The following PCNX2 variants were observed in gnomAD, a reference collection of about 807,000 sequenced individuals.
PCNX2 encodes pecanex 2.
Under a neutral mutation model 223.8 loss-of-function variants are expected in PCNX2, and 168 were observed. The ratio of observed to expected loss-of-function variants is 0.75; its 90% confidence interval spans 0.66 to 0.85. The LOEUF (loss-of-function observed/expected upper bound fraction) is 0.85, where lower values mean the gene tolerates loss of function less well. Among genes scored for constraint, PCNX2 ranks in the 40% least tolerant of loss-of-function variants. The pLI is 0.00. For synonymous variants in PCNX2, 1,006 were observed against 1,052.6 expected, an observed-to-expected ratio of 0.96 and a Z score of 0.86; for missense variants, 2,507 against 2,675.5, an observed-to-expected ratio of 0.94 and a Z score of 1.39.
chr1:233,104,247 G>T (rs1374102147), intron 21 of PCNX2, among the ~76,000 whole-genome samples: 1 of 152,032 alleles, frequency 6.6e-6, no homozygotes, highest in East Asian at 1.9e-4. Context: ...TCAAAATACA[G>T]ACTCTCGGTC....
rs147069593 is a variant in PCNX2 at position 233,096,104 on chromosome 1, C to T, written c.3838-241G>A. 5.0e-3 allele frequency among the ~76,000 whole-genome samples: 766 copies of T among 152,272 alleles called. 7 individuals carry two copies. Among genetic ancestry groups the T allele is most frequent in the African/African-American group, 0.017 (714 of 41,550 alleles). Reference sequence around the variant, plus strand: ...AATCTCAACGGATTTATTATTTCAACCTATATATATGGTGTATCTCTTTGC... The same window carrying T: ...AATCTCAACGGATTTATTATTTCAATCTATATATATGGTGTATCTCTTTGC... On this transcript the variant is annotated intron_variant, in intron 21 of 33. Coordinates refer to ENST00000258229, the MANE Select transcript of PCNX2 (RefSeq NM_014801.4).
chr1:233,047,143 C>G (rs192049046), intron 25 of PCNX2, among the ~76,000 whole-genome samples: 18 of 152,316 alleles, frequency 1.2e-4, no homozygotes, highest in Admixed American at 5.2e-4. Flanking sequence ...CTGAATGAAA[C>G]TGCTCAAGTG....
intron 25 of PCNX2, among the ~76,000 whole-genome samples, chr1:233,029,296 C>T (rs1036900344): frequency 6.6e-6 from 1 of 151,956 alleles, no homozygotes; most frequent in Non-Finnish European, 1.5e-5. Context: ...CATATGAGTC[C>T]TCCAATGATA....
chr1:233,087,977 C>T (rs1673688511), intron 23 of PCNX2, among the ~76,000 whole-genome samples: 1 of 152,142 alleles, frequency 6.6e-6, no homozygotes. Flanking sequence ...ATAAATGCGG[C>T]AGAATCACTT....
chr1:233,140,182 G>A (rs1370167425), intron 19 of PCNX2, among the ~76,000 whole-genome samples: 1 of 149,958 alleles, frequency 6.7e-6, no homozygotes, highest in East Asian at 2.0e-4. Context: ...AGGGTGGAAG[G>A]TGAAGGATGA....
intron 19 of PCNX2, among the ~76,000 whole-genome samples, chr1:233,159,258 C>G (rs1678321582): frequency 6.6e-6 from 1 of 152,182 alleles, no homozygotes; most frequent in African/African-American, 2.4e-5. Context: ...TGTGCCCACC[C>G]AGAGATGTTC....
chr1:233,106,057 AAAG>A (rs1674752630), intron 21 of PCNX2, among the ~76,000 whole-genome samples: 1 of 152,328 alleles, frequency 6.6e-6, no homozygotes, highest in African/African-American at 2.4e-5. Flanking sequence ...GGACTTCAAT[AAAG>A]AAGAAACAGG....
chr1:233,227,471 T>C (rs746620518), intron 9 of PCNX2, 100 bp from the exon 10 acceptor site: 1 of 1,022,192 alleles, frequency 9.8e-7, no homozygotes, highest in Non-Finnish European at 1.3e-6. Flanking sequence ...CACATATATA[T>C]GTACACCATA....
chr1:233,243,024 A>G (rs1658869233), intron 8 of PCNX2, among the ~76,000 whole-genome samples: 1 of 152,192 alleles, frequency 6.6e-6, no homozygotes, highest in Non-Finnish European at 1.5e-5. Context: ...TACCTGCTCT[A>G]TGGACAGCTA....
intron 17 of PCNX2, among the ~76,000 whole-genome samples, chr1:233,168,744 A>G (rs1051153767): frequency 1.3e-5 from 2 of 152,054 alleles, no homozygotes; most frequent in Non-Finnish European, 2.9e-5. Flanking sequence ...TTACTCTATC[A>G]TAGGTTGTAA....
chr1:233,155,338 G>A (rs1228835995), intron 19 of PCNX2, among the ~76,000 whole-genome samples: 6 of 152,120 alleles, frequency 3.9e-5, no homozygotes, highest in African/African-American at 7.2e-5. Context: ...ACAATTCTAC[G>A]GTGACACAGC....
intron 10 of PCNX2, among the ~76,000 whole-genome samples, chr1:233,225,110 T>TTAAAAAAA: frequency 2.4e-5 from 1 of 42,216 alleles, no homozygotes; most frequent in Non-Finnish European, 4.4e-5. Flanking sequence ...AGAACTAAAG[T>TTAAAAAAA]AAAAAAAAAA....
chr1:233,111,961 C>T (rs933121711), intron 21 of PCNX2, among the ~76,000 whole-genome samples: 1 of 152,194 alleles, frequency 6.6e-6, no homozygotes, highest in Non-Finnish European at 1.5e-5. Context: ...TCATGATTCT[C>T]ATTTACATGT....
intron 10 of PCNX2, among the ~76,000 whole-genome samples, chr1:233,220,247 A>C (rs1363420276): frequency 6.6e-6 from 1 of 152,166 alleles, no homozygotes; most frequent in Non-Finnish European, 1.5e-5. Flanking sequence ...ACAAACATTC[A>C]TGTGCAGTGT....
intron 21 of PCNX2, among the ~76,000 whole-genome samples, chr1:233,097,502 A>G (rs1571863267): frequency 6.6e-6 from 1 of 152,310 alleles, no homozygotes; most frequent in South Asian, 2.1e-4. Context: ...TGCATCAACC[A>G]TAGAGGATTG....
intron 21 of PCNX2, among the ~76,000 whole-genome samples, chr1:233,129,441 G>A (rs937045400): frequency 5.9e-5 from 9 of 152,212 alleles, no homozygotes; most frequent in African/African-American, 1.2e-4. Flanking sequence ...CCCGAAGAGC[G>A]CTGCCCCCTT....
At chr1:233,176,533 C>T (rs1243851716) in intron 17 of PCNX2, among the ~76,000 whole-genome samples, 1 of 152,220 alleles carries the variant, frequency 6.6e-6, no homozygotes, top group Non-Finnish European at 1.5e-5. Flanking sequence ...TGTGTGTGGA[C>T]CACATCAGGA....
Position 233,258,576 on chromosome 1 carries a change from G to A in PCNX2, c.1286C>T (p.Pro429Leu), listed in dbSNP as rs772671846. The A allele has an allele frequency of 9.9e-6, 16 of 1,613,896 alleles. No individual in the cohort carries two copies. Among genetic ancestry groups the A allele is most frequent in the Non-Finnish European group, 1.4e-5 (16 of 1,179,898 alleles). Residue 429 changes from proline (P) to leucine (L), a missense_variant, in exon 5 of 34, where the codon CCT (proline) becomes CTT (leucine). Pro to Leu is a moderately conservative substitution (Grantham distance 98, BLOSUM62 -3). Transcript: ENST00000258229. ...CTCAGGCAGGTCCAGGGTGATTACA[G>A]GAATTGAGATCTGCTCGGCATTTGG... ...GSPNAEQISI[P>L]VITLDLPEGG...
intron 21 of PCNX2, among the ~76,000 whole-genome samples, chr1:233,102,944 C>T (rs1674570486): frequency 6.6e-6 from 1 of 151,224 alleles, no homozygotes; most frequent in Admixed American, 6.6e-5. Flanking sequence ...TTTGCCCAGT[C>T]CAAGGTCCTG....
Sources: gnomAD v4.1 joint callset for allele counts (sites outside exome capture counted in the v4.1 genomes callset) on GRCh38, gnomAD v4.1.1 for gene constraint, MANE v1.5 for transcripts, NCBI Gene and HGNC (gene_info 2026-07-23, HGNC 2026-07-21) for gene names.